The following ZFHX3 variants were observed in gnomAD, a reference collection of about 807,000 sequenced individuals.
The protein encoded by ZFHX3 is zinc finger homeobox 3.
ZFHX3 carries 42 observed loss-of-function variants against 279.1 expected under a neutral mutation model. The ratio of observed to expected loss-of-function variants is 0.15; its 90% CI spans 0.12 to 0.19. The LOEUF (loss-of-function observed/expected upper bound fraction) is 0.19. Among genes scored for constraint, ZFHX3 ranks in the 10% least tolerant of loss-of-function variants. ZFHX3 has a pLI of 1.00. For synonymous variants in ZFHX3, 2,293 were observed against 1,957.8 expected, an observed-to-expected ratio of 1.17 and a Z score of -4.52; for missense variants, 4,981 against 4,754.0, an observed-to-expected ratio of 1.05 and a Z score of -1.40.
chr16:73,712,900 G>A lies in ZFHX3; in HGVS notation c.-1607-32660C>T, dbSNP rs561930900. Among the ~76,000 whole-genome samples, 7 of 152,280 alleles carry A rather than the reference G, an allele frequency of 4.6e-5. No individual in the cohort carries two copies. In the East Asian group the frequency reaches 5.8e-4, roughly 13 times the overall value. Reference sequence around the variant, plus strand: ...GCTGGAGAGACTACAGGCCATTTGCGCTAGCTTGAGGTCCTATGTACATTG... The same window carrying A: ...GCTGGAGAGACTACAGGCCATTTGCACTAGCTTGAGGTCCTATGTACATTG... On this transcript the variant is annotated intron_variant, in intron 1 of 17. Coordinates refer to the ZFHX3 transcript ENST00000641206.
intron 3 of ZFHX3, among the ~76,000 whole-genome samples, chr16:73,430,018 G>T (rs1275356672): frequency 6.6e-6 from 1 of 152,138 alleles, no homozygotes; most frequent in Non-Finnish European, 1.5e-5. Context: ...CTCCCAAGTA[G>T]CTGGGATATA....
chr16:73,268,503 G>C (rs546003544), intron 4 of ZFHX3, among the ~76,000 whole-genome samples: 1 of 152,204 alleles, frequency 6.6e-6, no homozygotes, highest in Non-Finnish European at 1.5e-5. Context: ...CGCAGGGCAT[G>C]GCTCTGAATG....
Position 72,959,803 on chromosome 16 carries a change from C to T in ZFHX3, c.343G>A (p.Asp115Asn), listed in dbSNP as rs886891334. 7.5e-6 allele frequency: 12 copies of T among 1,595,858 alleles called. No homozygotes were observed. The highest frequency in any genetic ancestry group is 2.2e-5 in the East Asian group (1 of 44,622). Residue 115 changes from aspartate (D) to asparagine (N), a missense_variant, in exon 2 of 10, where the codon GAC becomes AAC. By Grantham distance (23) the Asp-to-Asn change is conservative. This residue lies in a region of ZFHX3 where 1,068 missense variants were observed against 935.2 expected (regional missense o/e 1.14). Coordinates refer to ENST00000268489, the MANE Select transcript of ZFHX3 (RefSeq NM_006885.4). ...PPPLREESASDTGEEGDEESD... is the reference protein window; with the variant it reads ...PPPLREESASNTGEEGDEESD... ...TCCTCGTCCCCCTCCTCACCGGTGT[C>T]GCTGGCGCTCTCCTCTCTCAGGGGT...
At chr16:73,113,645 T>C (rs1308696779) in intron 7 of ZFHX3, among the ~76,000 whole-genome samples, 1 of 152,076 alleles carries the variant, frequency 6.6e-6, no homozygotes, top group Admixed American at 6.6e-5. Flanking sequence ...GGAAGGAACA[T>C]TCTAGAAGAG....
Position 72,959,012 on chromosome 16 carries a change from A to G in ZFHX3, c.1134T>C (p.Ala378=). ...FSGIRMEGEE[A]LPAGSAAGPE... ...GGCCAGCGGCGGAGCCCGCTGGGAG[A>G]GCTTCCTCCCCTTCCATTCGAATGC... The change falls in exon 2 of 10, where the codon GCT becomes GCC. Residue 378 remains alanine (A), a synonymous_variant. Transcript: ENST00000268489. 6.2e-7 allele frequency: 1 copy of G among 1,611,044 alleles called. No individual in the cohort carries two copies. Among genetic ancestry groups the G allele is most frequent in the Non-Finnish European group, 8.5e-7 (1 of 1,178,506 alleles).
rs144817500 is a variant in ZFHX3 at position 73,483,308 on chromosome 16, C to G, written c.-1546-27050G>C. Reference sequence around the variant, plus strand: ...CGTGCACGGAGCCTCCGAGAGAGAGCGAGAGACCAAGAGCGAGCGAGTGAG... The same window carrying G: ...CGTGCACGGAGCCTCCGAGAGAGAGGGAGAGACCAAGAGCGAGCGAGTGAG... On this transcript the variant is annotated intron_variant, in intron 2 of 17. Coordinates refer to the ZFHX3 transcript ENST00000641206. 406 of 440,140 alleles carry G rather than the reference C, an allele frequency of 9.2e-4. 1 individual carries two copies. The highest frequency in any genetic ancestry group is 7.6e-3 in the African/African-American group (365 of 47,748). 27.3% of individuals were successfully genotyped at this position (440,140 alleles called of 1,614,324 possible). A position where few individuals can be genotyped will look rare whatever the true frequency, so the allele number is the denominator to read the frequency against.
intron 2 of ZFHX3, among the ~76,000 whole-genome samples, chr16:73,627,425 A>C (rs2052427758): frequency 6.6e-6 from 1 of 152,226 alleles, no homozygotes; most frequent in African/African-American, 2.4e-5. Flanking sequence ...TGTCCTTTGC[A>C]AGCCGGAAAG....
intron 1 of ZFHX3, among the ~76,000 whole-genome samples, chr16:73,012,315 C>T (rs568587786): frequency 2.6e-5 from 4 of 152,234 alleles, no homozygotes; most frequent in Non-Finnish European, 5.9e-5. Context: ...TTTCTAGAAC[C>T]ATCAGAGACA....
chr16:73,081,002 G>A (rs895076524), intron 8 of ZFHX3, among the ~76,000 whole-genome samples: 5 of 152,150 alleles, frequency 3.3e-5, no homozygotes, highest in African/African-American at 1.2e-4. Flanking sequence ...CAGGTCCAAG[G>A]TCAAGACCTG....
intron 1 of ZFHX3, among the ~76,000 whole-genome samples, chr16:73,713,582 C>CGGCAGCCAAA (rs1355138976): frequency 6.6e-6 from 1 of 151,890 alleles, no homozygotes; most frequent in Non-Finnish European, 1.5e-5. Flanking sequence ...CCGCAGCCAA[C>CGGCAGCCAAA]GGCAGCCAAA....
At chr16:73,734,159 G>A (rs1249746308) in intron 1 of ZFHX3, among the ~76,000 whole-genome samples, 3 of 152,144 alleles carry the variant, frequency 2.0e-5, no homozygotes, top group Admixed American at 6.5e-5. Context: ...GTGGAGCTCA[G>A]GTGGTAATGC....
chr16:73,843,452 T>C (rs1049274143), intron 1 of ZFHX3, among the ~76,000 whole-genome samples: 2 of 152,216 alleles, frequency 1.3e-5, no homozygotes, highest in Non-Finnish European at 2.9e-5. Flanking sequence ...ACGGATTGTG[T>C]CCTGTGAAAC....
chr16:73,647,103 C>T (rs77081808), intron 2 of ZFHX3, among the ~76,000 whole-genome samples: 7,021 of 150,466 alleles, frequency 0.047, 359 homozygotes, highest in African/African-American at 0.12. Flanking sequence ...CGGTCCGACT[C>T]CCAGGTTTAC....
exon 1 of ZFHX3, chr16:73,058,678 C>T: frequency 8.7e-6 from 2 of 228,862 alleles, no homozygotes; most frequent in Non-Finnish European, 1.6e-5. Context: ...GGGTCGGCGG[C>T]GGCGGAGGAC....
chr16:73,588,010 G>T (rs1035055759), intron 2 of ZFHX3, among the ~76,000 whole-genome samples: 2 of 152,090 alleles, frequency 1.3e-5, no homozygotes, highest in Non-Finnish European at 2.9e-5. Flanking sequence ...GGCCACAAAC[G>T]GTAAAGCAAA....
chr16:72,979,172 G>T (rs1962483723), intron 1 of ZFHX3, among the ~76,000 whole-genome samples: 1 of 152,232 alleles, frequency 6.6e-6, no homozygotes, highest in African/African-American at 2.4e-5. Flanking sequence ...ATGATAGATT[G>T]TGACTAATCC....
rs536747068 is a variant in ZFHX3, at chr16:73,383,248, T to C, written c.-1290-64912A>G. ...TGCTTCTCCTCAGCTAGGAAGTGGG[T>C]TTGGAAACTCTGGCCACCCATCCAG... On this transcript the variant is annotated intron_variant, in intron 3 of 17. Coordinates refer to the ZFHX3 transcript ENST00000641206. 1.4e-4 allele frequency among the ~76,000 whole-genome samples: 22 copies of C among 152,230 alleles called. 1 individual carries two copies. The highest frequency in any genetic ancestry group is 4.6e-4 in the African/African-American group (19 of 41,564).
At chr16:72,899,591 C>T (rs550001776) in intron 3 of ZFHX3, among the ~76,000 whole-genome samples, 2 of 152,296 alleles carry the variant, frequency 1.3e-5, no homozygotes, top group East Asian at 1.9e-4. Context: ...TCCAACTCCA[C>T]GTCAAACTGT....
intron 8 of ZFHX3, among the ~76,000 whole-genome samples, chr16:73,088,711 G>C (rs1297079971): frequency 6.6e-6 from 1 of 152,140 alleles, no homozygotes; most frequent in East Asian, 1.9e-4. Context: ...ACATTCTCAG[G>C]TACATCCTGA....
Sources: gnomAD v4.1 joint callset for allele counts (sites outside exome capture counted in the v4.1 genomes callset) on GRCh38, gnomAD v4.1.1 for gene constraint, gnomAD v4.1.1 regional missense constraint, MANE v1.5 for transcripts, NCBI Gene and HGNC (gene_info 2026-07-23, HGNC 2026-07-21) for gene names.